Variants in VGLL3 observed in about 807,000 individuals in gnomAD.
VGLL3 encodes the protein transcription cofactor vestigial-like protein 3.
Under a neutral mutation model 29.2 loss-of-function variants are expected in VGLL3, and 18 were observed. The ratio of observed to expected loss-of-function variants is 0.62; its 90% confidence interval spans 0.43 to 0.91. The LOEUF (loss-of-function observed/expected upper bound fraction) is 0.91. Ranked by LOEUF, VGLL3 falls within the 40% of genes least tolerant of loss-of-function variation. VGLL3 has a pLI of 0.00. For synonymous variants in VGLL3, 180 were observed against 151.8 expected, an observed-to-expected ratio of 1.19 and a Z score of -1.36; for missense variants, 440 against 413.2, an observed-to-expected ratio of 1.06 and a Z score of -0.56.
chr3:86,968,712 A>T lies in VGLL3; in HGVS notation c.815T>A (p.Ile272Asn). The change falls in exon 3 of 4, where the codon ATT becomes AAT. Residue 272 changes from isoleucine to asparagine, a missense_variant. Ile to Asn is a moderately radical substitution (Grantham distance 149). Coordinates refer to ENST00000398399, the MANE Select transcript of VGLL3 (RefSeq NM_016206.4). ...TGTGATGTCACACTGGGGAGCAGGA[A>T]TCCTGGCCGCATGCACTGAAGGCAT... ...LLMPSVHAAR[I>N]PAPQCDITKT... 2.5e-6 allele frequency: 4 copies of T among 1,614,142 alleles called. No individual in the cohort carries two copies. Among genetic ancestry groups the T allele is most frequent in the Non-Finnish European group, 3.4e-6 (4 of 1,180,036 alleles).
At chr3:86,987,805 A>AATAT (rs140232887) in intron 1 of VGLL3, among the ~76,000 whole-genome samples, 2 of 151,980 alleles carry the variant, frequency 1.3e-5, no homozygotes, top group African/African-American at 4.8e-5. Context: ...AGTGCAAGCT[A>AATAT]ATATATATAT....
intron 3 of VGLL3, among the ~76,000 whole-genome samples, chr3:86,960,851 G>A (rs955678514): frequency 8.6e-5 from 13 of 150,510 alleles, no homozygotes; most frequent in African/African-American, 3.2e-4. Context: ...AGAGGCAAAA[G>A]GTACATCAAC....
Position 86,978,822 on chromosome 3 carries a change from A to C in VGLL3, c.127-20T>G, listed in dbSNP as rs1338499499. On this transcript the variant is annotated intron_variant, in intron 1 of 3. Coordinates refer to ENST00000398399, the MANE Select transcript of VGLL3 (RefSeq NM_016206.4). The stretch of plus-strand genomic sequence containing the variant: ...CTTCTTCTGGGATGGAATAAACAAA[A>C]CACAGTATCAAAGACAGTTTGTAGA... 6.4e-7 allele frequency: 1 copy of C among 1,572,876 alleles called. No individual in the cohort carries two copies. Among genetic ancestry groups the C allele is most frequent in the Non-Finnish European group, 8.6e-7 (1 of 1,160,052 alleles).
intron 3 of VGLL3, among the ~76,000 whole-genome samples, chr3:86,953,899 C>A (rs1704663882): frequency 1.3e-5 from 2 of 152,012 alleles, no homozygotes. Flanking sequence ...AACAATAATT[C>A]TTTTTAAAGT....
intron 3 of VGLL3, among the ~76,000 whole-genome samples, chr3:86,958,139 T>C (rs1271255295): frequency 6.6e-6 from 1 of 152,140 alleles, no homozygotes; most frequent in Non-Finnish European, 1.5e-5. Flanking sequence ...AGATCCCACC[T>C]CTTGATGGTA....
chr3:86,968,595 T>C lies in VGLL3; in HGVS notation c.932A>G (p.Asp311Gly). Residue 311 changes from aspartate to glycine, a missense_variant, in exon 3 of 4, where the codon GAT becomes GGT. By Grantham distance (94) the Asp-to-Gly change is moderately conservative. Coordinates refer to ENST00000398399, the MANE Select transcript of VGLL3 (RefSeq NM_016206.4). ...AAAGAAATCCAGCAGCTTACCTGTA[T>C]CGAATCCCACGCTGGGCACTATGTC... ...TVDIVPSVGF[D>G]TGLQHQDKSK... 2 of 1,612,154 alleles carry C rather than the reference T, an allele frequency of 1.2e-6. No individual in the cohort carries two copies. Among genetic ancestry groups the C allele is most frequent in the Non-Finnish European group, 1.7e-6 (2 of 1,178,822 alleles).
rs552578810 is a variant in VGLL3 at position 86,939,620 on chromosome 3, TCAAAACAAAA to T, written c.*7394_*7403del. 10 of 153,006 alleles carry T rather than the reference TCAAAACAAAA, an allele frequency of 6.5e-5. No homozygotes were observed. The highest frequency in any genetic ancestry group is 1.2e-4 in the Non-Finnish European group (8 of 68,868). 9.5% of individuals were successfully genotyped at this position (153,006 alleles called of 1,614,324 possible). On this transcript the variant is annotated 3_prime_UTR_variant, in exon 4 of 4. Transcript: ENST00000398399. ...AGCCTGACGACAGAGCAAGACTCCA[TCAAAACAAAA>T]CAAAACAAAACAAAACAAAAAAACA... is the stretch of plus-strand genomic sequence containing the variant.
At chr3:86,956,842 T>C (rs915983592) in intron 3 of VGLL3, among the ~76,000 whole-genome samples, 1 of 150,126 alleles carries the variant, frequency 6.7e-6, no homozygotes, top group African/African-American at 2.5e-5. Flanking sequence ...TAACGAGGGA[T>C]GCTCTCCAAT....
intron 3 of VGLL3, among the ~76,000 whole-genome samples, chr3:86,958,677 C>T (rs1245144665): frequency 6.6e-6 from 1 of 152,182 alleles, no homozygotes; most frequent in African/African-American, 2.4e-5. Context: ...GACAGCAATG[C>T]TCTGGAATGC....
At position 86,960,816 on chromosome 3, in the gene VGLL3, C is replaced by T. The variant is rs147368179; in HGVS notation, c.937+7774G>A. Among the ~76,000 whole-genome samples the T allele has an allele frequency of 4.5e-3, 676 of 151,854 alleles. 6 individuals carry two copies. The highest frequency in any genetic ancestry group is 0.014 in the African/African-American group (597 of 41,420). The stretch of plus-strand genomic sequence containing the variant: ...AAATCCACTATTAGGTGGCTACTTA[C>T]GCAAATTAATGCCTAGTTTTTTTGA... On this transcript the variant is annotated intron_variant, in intron 3 of 3. Coordinates refer to ENST00000398399, the MANE Select transcript of VGLL3 (RefSeq NM_016206.4).
chr3:86,969,592 G>A lies in VGLL3; in HGVS notation c.404-469C>T, dbSNP rs544299706. ...CATTTAAATGAAACATTTTAATGCC[G>A]AAGGTAACAATGGAAGTAAGATTAC... On this transcript the variant is annotated intron_variant, in intron 2 of 3. Transcript: ENST00000398399. 7.2e-5 allele frequency among the ~76,000 whole-genome samples: 11 copies of A among 152,064 alleles called. No homozygotes were observed. In the East Asian group the frequency reaches 1.9e-3, roughly 27 times the overall value.
At position 86,946,703 on chromosome 3, in the gene VGLL3, C is replaced by A. The variant is rs889544470; in HGVS notation, c.*321G>T. On this transcript the variant is annotated 3_prime_UTR_variant, in exon 4 of 4. Transcript: ENST00000398399. ...TAATGTGTGGTTCATCCTTTCCTGACAAGGTGGTTGGCTAAAAAAAAAAAT... is the reference window on the plus strand; with the variant it reads ...TAATGTGTGGTTCATCCTTTCCTGAAAAGGTGGTTGGCTAAAAAAAAAAAT... The A allele has an allele frequency of 1.9e-5, 4 of 215,924 alleles. No individual in the cohort carries two copies. The highest frequency in any genetic ancestry group is 3.6e-5 in the Non-Finnish European group (4 of 110,426). 13.4% of individuals were successfully genotyped at this position (215,924 alleles called of 1,614,324 possible).
chr3:86,973,174 T>A (rs1027963451), intron 2 of VGLL3, among the ~76,000 whole-genome samples: 1 of 152,106 alleles, frequency 6.6e-6, no homozygotes, highest in African/African-American at 2.4e-5. Flanking sequence ...ATACAGCTTA[T>A]TAATTTTGAA....
At chr3:86,952,621 T>A (rs1179731593) in intron 3 of VGLL3, among the ~76,000 whole-genome samples, 1 of 152,166 alleles carries the variant, frequency 6.6e-6, no homozygotes, top group Non-Finnish European at 1.5e-5. Flanking sequence ...TTTCATTTCA[T>A]ACATATTAAA....
chr3:86,939,071 T>C lies in VGLL3; in HGVS notation c.*7953A>G, dbSNP rs191278188. On this transcript the variant is annotated 3_prime_UTR_variant, in exon 4 of 4. Transcript: ENST00000398399. ...TTGGATTCTGAAGCACTATAATAAC[T>C]ACATGAAACATTTGAAATAGTGACA... 1.3e-5 allele frequency: 2 copies of C among 152,312 alleles called. No individual in the cohort carries two copies. The highest frequency in any genetic ancestry group is 1.3e-4 in the Admixed American group (2 of 15,304). 9.4% of individuals were successfully genotyped at this position (152,312 alleles called of 1,614,324 possible). A position where few individuals can be genotyped will look rare whatever the true frequency, so the allele number is the denominator to read the frequency against.
In VGLL3 at chr3:86,940,707, T is replaced by A. The variant is rs919710599; in HGVS notation, c.*6317A>T. On this transcript the variant is annotated 3_prime_UTR_variant, in exon 4 of 4. Coordinates refer to ENST00000398399, the MANE Select transcript of VGLL3 (RefSeq NM_016206.4). ...GTTTTTATTACAAAGTCTTCCATCA[T>A]CTTATATCATTGACACATATTATGA... The A allele has an allele frequency of 2.6e-5, 4 of 152,058 alleles. 1 individual carries two copies. Among genetic ancestry groups the A allele is most frequent in the Admixed American group, 6.5e-5 (1 of 15,272 alleles). 9.4% of individuals were successfully genotyped at this position (152,058 alleles called of 1,614,324 possible).
intron 3 of VGLL3, among the ~76,000 whole-genome samples, chr3:86,947,667 TTTATC>T (rs1704534773): frequency 1.3e-5 from 2 of 152,278 alleles, no homozygotes; most frequent in Admixed American, 6.5e-5. Flanking sequence ...ATTTACTTAT[TTTATC>T]TTATCTTCCT....
intron 2 of VGLL3, among the ~76,000 whole-genome samples, chr3:86,971,603 A>G (rs938744662): frequency 6.6e-6 from 1 of 152,228 alleles, no homozygotes; most frequent in Non-Finnish European, 1.5e-5. Flanking sequence ...AATCAGCCTT[A>G]CTGACATTGA....
At chr3:86,962,542 T>TA (rs953307641) in intron 3 of VGLL3, 49 of 980,800 alleles carry the variant, frequency 5.0e-5, no homozygotes, top group African/African-American at 3.9e-4. Context: ...ATTTAAATAC[T>TA]AAAAAAAAAT....
Sources: gnomAD v4.1 joint callset for allele counts (sites outside exome capture counted in the v4.1 genomes callset) on GRCh38, gnomAD v4.1.1 for gene constraint, MANE v1.5 for transcripts, NCBI Gene and HGNC (gene_info 2026-07-23, HGNC 2026-07-21) for gene names.